ZC3HC1: variants seen among roughly 807,000 people sequenced by gnomAD.
ZC3HC1 encodes zinc finger C3HC-type protein 1.
A neutral mutation model predicts 61.9 loss-of-function variants in ZC3HC1; 38 were observed. The observed-to-expected ratio is 0.61, with a 90% CI of 0.47 to 0.81. The LOEUF (loss-of-function observed/expected upper bound fraction) is 0.81. Among genes scored for constraint, ZC3HC1 ranks in the 30% least tolerant of loss-of-function variants. ZC3HC1 has a pLI of 0.00. For synonymous variants in ZC3HC1, 213 were observed against 229.9 expected, an observed-to-expected ratio of 0.93 and a Z score of 0.67; for missense variants, 554 against 622.7, an observed-to-expected ratio of 0.89 and a Z score of 1.17.
chr7:130,049,295 T>C (rs1794984996), intron 1 of ZC3HC1, 151 bp from the exon 2 acceptor site: 1 of 502,504 alleles, frequency 2.0e-6, no homozygotes, highest in African/African-American at 2.0e-5. Context: ...TTCCTCAGCT[T>C]ATTATTTTCA....
At chr7:130,046,723 T>C (rs938740365) in intron 2 of ZC3HC1, among the ~76,000 whole-genome samples, 2 of 152,242 alleles carry the variant, frequency 1.3e-5, no homozygotes, top group Non-Finnish European at 2.9e-5. Context: ...TAACGTTTAA[T>C]GTCTCTTCGT....
At chr7:130,024,536 CA>C in intron 6 of ZC3HC1, 30 bp from the exon 7 acceptor site, 1 of 1,579,046 alleles carries the variant, frequency 6.3e-7, no homozygotes, top group African/African-American at 1.4e-5. Context: ...AGAGTTTTCT[CA>C]AAGTGTAACA....
intron 4 of ZC3HC1, among the ~76,000 whole-genome samples, chr7:130,030,753 C>T (rs1452665826): frequency 4.0e-5 from 6 of 151,498 alleles, no homozygotes; most frequent in Admixed American, 1.3e-4. Flanking sequence ...CTGCAGGATC[C>T]GCCTCCTGGG....
rs1793767729 is a variant in ZC3HC1 at position 130,023,953 on chromosome 7, C to G, written c.1021-230G>C. 1.3e-5 allele frequency among the ~76,000 whole-genome samples: 2 copies of G among 152,026 alleles called. No homozygotes were observed. Among genetic ancestry groups the G allele is most frequent in the South Asian group, 4.2e-4 (2 of 4,804 alleles). Reference sequence around the variant, plus strand: ...TAGCTGGGATTACAGGTGCCTGCCACCACACCTGGCTAATTTTTGCATTTT... The same window carrying G: ...TAGCTGGGATTACAGGTGCCTGCCAGCACACCTGGCTAATTTTTGCATTTT... On this transcript the variant is annotated intron_variant, in intron 7 of 9. Coordinates refer to ENST00000358303, the MANE Select transcript of ZC3HC1 (RefSeq NM_016478.5). The surrounding 1 kb of genome is among the most constrained non-coding windows in gnomAD (Gnocchi z 4.2).
At chr7:130,021,994 G>A (rs1321883836) in intron 9 of ZC3HC1, among the ~76,000 whole-genome samples, 2 of 152,078 alleles carry the variant, frequency 1.3e-5, no homozygotes, top group Non-Finnish European at 2.9e-5. Flanking sequence ...GGCCAACATG[G>A]TGAAACCCTG....
intron 4 of ZC3HC1, among the ~76,000 whole-genome samples, chr7:130,034,203 C>T (rs115411162): frequency 0.027 from 3,898 of 146,180 alleles, 152 homozygotes; most frequent in African/African-American, 0.092. Flanking sequence ...GAGACAGGGT[C>T]GGCAGGGCAT....
chr7:130,049,231 A>G, intron 1 of ZC3HC1, 87 bp from the exon 2 acceptor site: 1 of 885,020 alleles, frequency 1.1e-6, no homozygotes, highest in Non-Finnish European at 1.6e-6. Flanking sequence ...ATCGTATCAT[A>G]AATCACACCA....
chr7:130,047,014 G>A (rs1794893193), intron 2 of ZC3HC1, among the ~76,000 whole-genome samples: 2 of 152,166 alleles, frequency 1.3e-5, no homozygotes, highest in East Asian at 1.9e-4. Flanking sequence ...CCAGGCTGGA[G>A]TGCAGTGGCA....
At chr7:130,046,653 T>A (rs1427907164) in intron 2 of ZC3HC1, among the ~76,000 whole-genome samples, 1 of 151,714 alleles carries the variant, frequency 6.6e-6, no homozygotes, top group East Asian at 1.9e-4. Context: ...AAACAATGGA[T>A]CAAATTCTTG....
chr7:130,024,873 C>CAT, intron 6 of ZC3HC1, among the ~76,000 whole-genome samples: 1 of 88,344 alleles, frequency 1.1e-5, no homozygotes, highest in South Asian at 4.2e-4. Context: ...AACAACAACA[C>CAT]AAAAAGTTTC....
chr7:130,041,419 A>C (rs1323303394), intron 2 of ZC3HC1, among the ~76,000 whole-genome samples: 1 of 151,760 alleles, frequency 6.6e-6, no homozygotes, highest in East Asian at 1.9e-4. Context: ...GAACTCCTGA[A>C]CTCAGATGAT....
intron 4 of ZC3HC1, among the ~76,000 whole-genome samples, chr7:130,032,792 A>AGGGG (rs1794272436): frequency 9.0e-6 from 1 of 111,422 alleles, no homozygotes; most frequent in Non-Finnish European, 1.8e-5. Context: ...GAGGGGAGGG[A>AGGGG]AGGAAAGGAA....
At chr7:130,020,886 G>A (rs935310776) in intron 9 of ZC3HC1, among the ~76,000 whole-genome samples, 6 of 151,804 alleles carry the variant, frequency 4.0e-5, no homozygotes, top group Non-Finnish European at 7.4e-5. Context: ...ATTTACTAAG[G>A]GTACTAATAT....
intron 9 of ZC3HC1, among the ~76,000 whole-genome samples, chr7:130,019,974 G>A (rs1253529795): frequency 7.3e-5 from 11 of 151,490 alleles, no homozygotes; most frequent in African/African-American, 2.4e-4. Context: ...ATGCCACCAC[G>A]CCCAGCTAAT....
chr7:130,022,583 G>C, intron 8 of ZC3HC1, 58 bp from the exon 9 acceptor site: 1 of 1,570,228 alleles, frequency 6.4e-7, no homozygotes, highest in Non-Finnish European at 8.7e-7. Flanking sequence ...AGTTCAGGGA[G>C]GCACTGCTGT....
chr7:130,050,616 T>C, intron 1 of ZC3HC1: 3 of 811,352 alleles, frequency 3.7e-6, no homozygotes, highest in East Asian at 3.0e-5. Context: ...ATAGTAGTAT[T>C]AGCAGTACCT....
At chr7:130,025,569 T>C (rs1176519753) in intron 6 of ZC3HC1, among the ~76,000 whole-genome samples, 1 of 151,758 alleles carries the variant, frequency 6.6e-6, no homozygotes, top group Non-Finnish European at 1.5e-5. Context: ...AGGTTCACTG[T>C]TTATAGAACA....
rs552588437 is a variant in ZC3HC1, at chr7:130,028,461, G to A, written c.621+441C>T. Reference sequence around the variant, plus strand: ...GGAGGCTGAGGCAGGAGAATTGCGTGGACCTGGGAGGTGGAGGTTGCAGTG... The same window carrying A: ...GGAGGCTGAGGCAGGAGAATTGCGTAGACCTGGGAGGTGGAGGTTGCAGTG... On this transcript the variant is annotated intron_variant, in intron 5 of 9. Transcript: ENST00000358303. 3.3e-5 allele frequency among the ~76,000 whole-genome samples: 5 copies of A among 152,176 alleles called. No individual in the cohort carries two copies. In the East Asian group the frequency reaches 9.6e-4, roughly 29 times the overall value.
At chr7:130,028,058 T>C (rs1052291028) in intron 5 of ZC3HC1, among the ~76,000 whole-genome samples, 1 of 147,434 alleles carries the variant, frequency 6.8e-6, no homozygotes, top group Non-Finnish European at 1.5e-5. Flanking sequence ...TCCCAGCTAC[T>C]TGGGAGGCTG....
Sources: gnomAD v4.1 joint callset for allele counts (sites outside exome capture counted in the v4.1 genomes callset) on GRCh38, gnomAD v4.1.1 for gene constraint, Gnocchi (gnomAD v3.1) non-coding constraint, MANE v1.5 for transcripts, NCBI Gene and HGNC (gene_info 2026-07-23, HGNC 2026-07-21) for gene names.